Variants in RAF1 observed in about 807,000 individuals in gnomAD.
The protein encoded by RAF1 is RAF proto-oncogene serine/threonine-protein kinase.
A neutral mutation model predicts 81.1 loss-of-function variants in RAF1; 27 were observed. The observed-to-expected ratio is 0.33, with a 90% CI of 0.25 to 0.46. The LOEUF (loss-of-function observed/expected upper bound fraction) is 0.46. Ranked by LOEUF, RAF1 falls within the 20% of genes least tolerant of loss-of-function variation. The probability of loss-of-function intolerance (pLI) is 1.00; values close to 1 mark genes in which losing one functional copy is unlikely to be tolerated. For missense variants in RAF1, 598 were observed against 826.0 expected (o/e 0.72, Z 3.38); for synonymous variants, 298 against 294.0 (o/e 1.01, Z -0.14).
At chr3:12,633,488 T>TAAA (rs11414306) in intron 1 of RAF1, among the ~76,000 whole-genome samples, 18 of 109,440 alleles carry the variant, frequency 1.6e-4, no homozygotes, top group Admixed American at 4.6e-4. Flanking sequence ...GTCTGGAAAT[T>TAAA]AAAAAAAAAA....
rs1236270121 is a variant in RAF1, at chr3:12,585,109, A to G, written c.1728+13T>C. 6.2e-7 allele frequency: 1 copy of G among 1,614,186 alleles called. No individual in the cohort carries two copies. Among genetic ancestry groups the G allele is most frequent in the Admixed American group, 1.7e-5 (1 of 60,016 alleles). On this transcript the variant is annotated intron_variant, in intron 16 of 17. Transcript: ENST00000442415. ...CCCACGAGTTGGGTCCTTTCGCACC[A>G]GCACAGACTTACCTGATCTCGGTTG...
intron 8 of RAF1, among the ~76,000 whole-genome samples, chr3:12,601,352 T>C (rs892402028): frequency 6.6e-6 from 1 of 152,152 alleles, no homozygotes; most frequent in Non-Finnish European, 1.5e-5. Flanking sequence ...ATGGGTAAAT[T>C]TGGAAATCGG....
At chr3:12,618,949 G>A (rs868563494) in intron 1 of RAF1, among the ~76,000 whole-genome samples, 53 of 152,160 alleles carry the variant, frequency 3.5e-4, no homozygotes, top group African/African-American at 1.3e-3. Flanking sequence ...GCAGTTAAAA[G>A]ATTTAGCAAG....
In RAF1 at chr3:12,584,674, G is replaced by T. The variant is rs745773290; in HGVS notation, c.1864-17C>A. 1.4e-5 allele frequency: 22 copies of T among 1,614,064 alleles called. No individual in the cohort carries two copies. Among genetic ancestry groups the T allele is most frequent in the Non-Finnish European group, 1.8e-5 (21 of 1,179,960 alleles). On this transcript the variant is annotated splice_polypyrimidine_tract_variant and intron_variant, in intron 17 of 17. Coordinates refer to ENST00000442415, the MANE Select transcript of RAF1 (RefSeq NM_001354689.3). ...AGACAGGATCTGAAACAAAGCCCAA[G>T]AATGCTCTCATTAGCTGTGTCTCAA...
rs767580335 is a variant in RAF1, at chr3:12,590,826, T to G, written c.1402A>C (p.Ile468Leu). Residue 468 changes from isoleucine to leucine, a missense_variant, in exon 13 of 18, where the codon ATT (isoleucine) becomes CTT (leucine). By Grantham distance (5) the Ile-to-Leu change is conservative (BLOSUM62 2). Transcript: ENST00000442415. ...ATTCCCTGAGCCGTCTGCCGGGCAATGTCAATTAGCTGGAACATCTGAAAC... is the reference window on the plus strand; with the variant it reads ...ATTCCCTGAGCCGTCTGCCGGGCAAGGTCAATTAGCTGGAACATCTGAAAC... The G allele has an allele frequency of 6.2e-7, 1 of 1,613,930 alleles. No homozygotes were observed. Among genetic ancestry groups the G allele is most frequent in the African/African-American group, 1.3e-5 (1 of 75,050 alleles).
At position 12,618,641 on chromosome 3, in the gene RAF1, G is replaced by GCAGCTGGAGCCA; in HGVS notation, c.69_80dup (p.Gly24_Cys27dup). 1 of 1,614,204 alleles carries GCAGCTGGAGCCA rather than the reference G, an allele frequency of 6.2e-7. No homozygotes were observed. Among genetic ancestry groups the GCAGCTGGAGCCA allele is most frequent in the Non-Finnish European group, 8.5e-7 (1 of 1,180,038 alleles). On this transcript the variant is annotated inframe_insertion, in exon 2 of 18. Coordinates refer to ENST00000442415, the MANE Select transcript of RAF1 (RefSeq NM_001354689.3). ...ACTGCTGAACTATTGTAGGAGAGAT[G>GCAGCTGGAGCCA]CAGCTGGAGCCATCAAACACGGCAT...
chr3:12,625,159 T>C (rs2059666674), intron 1 of RAF1, among the ~76,000 whole-genome samples: 1 of 151,956 alleles, frequency 6.6e-6, no homozygotes, highest in South Asian at 2.1e-4. Flanking sequence ...TCTCTGCTCA[T>C]TGCAGCCTCC....
chr3:12,605,686 G>A lies in RAF1; in HGVS notation c.680+515C>T, dbSNP rs539328951. On this transcript the variant is annotated intron_variant, in intron 6 of 17. Coordinates refer to ENST00000442415, the MANE Select transcript of RAF1 (RefSeq NM_001354689.3). ...AAACTGATTATAAAGCTGGAAAACA[G>A]AGTAAAGAAAGACAAGTTATATGCA... 2.4e-3 allele frequency among the ~76,000 whole-genome samples: 358 copies of A among 152,314 alleles called. 2 individuals are homozygous for A. The highest frequency in any genetic ancestry group is 4.1e-3 in the Non-Finnish European group (279 of 68,036).
At chr3:12,639,555 C>A (rs2060124391) in intron 1 of RAF1, among the ~76,000 whole-genome samples, 3 of 151,934 alleles carry the variant, frequency 2.0e-5, no homozygotes, top group Admixed American at 6.6e-5. Context: ...TGCAAAAATC[C>A]CAAGCATTCC....
At chr3:12,634,323 T>G (rs2059955365) in intron 1 of RAF1, among the ~76,000 whole-genome samples, 1 of 151,840 alleles carries the variant, frequency 6.6e-6, no homozygotes. Context: ...ATTTTTTTTT[T>G]TTTTTTTAGT....
At chr3:12,655,338 G>A (rs1478687755) in intron 1 of RAF1, among the ~76,000 whole-genome samples, 2 of 152,000 alleles carry the variant, frequency 1.3e-5, no homozygotes, top group East Asian at 1.9e-4. Context: ...CGCCCGCCTC[G>A]GCCTCCCAAA....
intron 1 of RAF1, among the ~76,000 whole-genome samples, chr3:12,621,767 G>A (rs1038086812): frequency 2.0e-5 from 3 of 152,086 alleles, no homozygotes; most frequent in Admixed American, 1.3e-4. Flanking sequence ...TAATATCCAC[G>A]TGATAAATAA....
chr3:12,651,653 C>CAAA (rs58108878), intron 1 of RAF1, among the ~76,000 whole-genome samples: 1 of 121,004 alleles, frequency 8.3e-6, no homozygotes, highest in Admixed American at 8.4e-5. Context: ...GACTTGGTCT[C>CAAA]AAAAAAAAAA....
intron 1 of RAF1, among the ~76,000 whole-genome samples, chr3:12,641,807 T>G (rs569497365): frequency 2.6e-5 from 4 of 152,246 alleles, no homozygotes; most frequent in African/African-American, 7.2e-5. Context: ...AATGCTTTCT[T>G]AAGTGTAACT....
At position 12,584,252 on chromosome 3, in the gene RAF1, C is replaced by A; in HGVS notation, c.*262G>T. On this transcript the variant is annotated 3_prime_UTR_variant, in exon 18 of 18. Coordinates refer to ENST00000442415, the MANE Select transcript of RAF1 (RefSeq NM_001354689.3). ...CTACCATCAACATCCACTTGCGCAT[C>A]TACAGAAGGCTGGGCCTTGAGCATG... 1 of 524,990 alleles carries A rather than the reference C, an allele frequency of 1.9e-6. No individual in the cohort carries two copies. The highest frequency in any genetic ancestry group is 3.5e-6 in the Non-Finnish European group (1 of 289,276). The allele number at this position is 524,990 out of a possible 1,614,324, so 32.5% of individuals were successfully genotyped here. A position where few individuals can be genotyped will look rare whatever the true frequency, so the allele number is the denominator to read the frequency against.
intron 11 of RAF1, among the ~76,000 whole-genome samples, chr3:12,596,685 G>T (rs2058695863): frequency 6.6e-6 from 1 of 152,142 alleles, no homozygotes; most frequent in South Asian, 2.1e-4. Context: ...GAAAACAGTT[G>T]TAATTTTTAA....
At chr3:12,640,122 G>A (rs2060140164) in intron 1 of RAF1, among the ~76,000 whole-genome samples, 2 of 152,160 alleles carry the variant, frequency 1.3e-5, no homozygotes, top group African/African-American at 4.8e-5. Flanking sequence ...ATGGGGAAAG[G>A]ATTCCCTATT....
chr3:12,586,858 C>G (rs1443228402), intron 14 of RAF1: 1 of 152,158 alleles, frequency 6.6e-6, no homozygotes, highest in African/African-American at 2.4e-5. Context: ...TTTTTTGAGA[C>G]ACAGCCTTGC....
chr3:12,634,436 C>T (rs1336757924), intron 1 of RAF1, among the ~76,000 whole-genome samples: 2 of 152,032 alleles, frequency 1.3e-5, no homozygotes, highest in Non-Finnish European at 2.9e-5. Context: ...CGGGCTTGAG[C>T]CACCGCGCCT....
Sources: allele counts gnomAD v4.1 joint callset (sites outside exome capture counted in the v4.1 genomes callset), GRCh38; gene constraint gnomAD v4.1.1; transcripts MANE v1.5; gene names NCBI Gene and HGNC (gene_info 2026-07-23, HGNC 2026-07-21).